Variants in NPSR1 observed in about 807,000 individuals in gnomAD.
The protein encoded by NPSR1 is neuropeptide S receptor 1.
Under a neutral mutation model 46.9 loss-of-function variants are expected in NPSR1, and 48 were observed. The ratio of observed to expected loss-of-function variants is 1.02; its 90% CI spans 0.81 to 1.30. The LOEUF (loss-of-function observed/expected upper bound fraction) is 1.30, where lower values mean the gene tolerates loss of function less well. NPSR1 is among the 50% of genes most tolerant of loss of function. The probability of loss-of-function intolerance (pLI) is 0.00; values close to 1 mark genes in which losing one functional copy is unlikely to be tolerated. For synonymous variants in NPSR1, 176 were observed against 168.1 expected (o/e 1.05, Z -0.36); for missense variants, 450 against 449.5 (o/e 1.00, Z -0.01).
chr7:34,667,084 TAAG>T (rs1275809413), intron 1 of NPSR1, among the ~76,000 whole-genome samples: 3 of 152,162 alleles, frequency 2.0e-5, no homozygotes, highest in East Asian at 1.9e-4. Flanking sequence ...GATGGCTCAA[TAAG>T]AAGATTTTTT....
chr7:34,764,550 A>G (rs1374633404), intron 2 of NPSR1, among the ~76,000 whole-genome samples: 1 of 152,164 alleles, frequency 6.6e-6, no homozygotes, highest in African/African-American at 2.4e-5. Context: ...TGTGCAGGAG[A>G]GTTTAGACCA....
At chr7:34,733,051 CTCA>C (rs1213912855) in intron 2 of NPSR1, among the ~76,000 whole-genome samples, 2 of 152,206 alleles carry the variant, frequency 1.3e-5, no homozygotes, top group Non-Finnish European at 2.9e-5. Context: ...TCAAAAATTG[CTCA>C]TCAACTTAAA....
chr7:34,670,802 T>C (rs1170203891), intron 1 of NPSR1, among the ~76,000 whole-genome samples: 4 of 151,898 alleles, frequency 2.6e-5, no homozygotes, highest in African/African-American at 9.7e-5. Flanking sequence ...AACTCAATAA[T>C]TCACCATAAT....
chr7:34,866,434 C>T (rs1483736377), intron 8 of NPSR1, among the ~76,000 whole-genome samples: 3 of 151,730 alleles, frequency 2.0e-5, no homozygotes, highest in Admixed American at 6.5e-5. Flanking sequence ...AGGCAGAGCG[C>T]ACAGCCTGGA....
At chr7:34,792,703 A>ATATATATTTTTTTTATATATATG (rs1584036048) in intron 3 of NPSR1, among the ~76,000 whole-genome samples, 1 of 88,574 alleles carries the variant, frequency 1.1e-5, no homozygotes, top group East Asian at 3.3e-4. Flanking sequence ...ATATATACGT[A>ATATATATTTTTTTTATATATATG]TATATATATA....
chr7:34,732,079 C>CAAAAAAAAAAAAAAAAAAAAAAAAA (rs535991989), intron 2 of NPSR1, among the ~76,000 whole-genome samples: 1 of 93,912 alleles, frequency 1.1e-5, no homozygotes, highest in Non-Finnish European at 2.1e-5. Context: ...GACTTCATCT[C>CAAAAAAAAAAAAAAAAAAAAAAAAA]AAAAAAAAAA....
intron 2 of NPSR1, among the ~76,000 whole-genome samples, chr7:34,747,452 G>A (rs544966441): frequency 8.1e-4 from 123 of 152,340 alleles, no homozygotes; most frequent in African/African-American, 2.3e-3. Flanking sequence ...TGCAACAAGA[G>A]CCATGCCTTT....
At chr7:34,822,005 C>A (rs918305634) in intron 4 of NPSR1, among the ~76,000 whole-genome samples, 2 of 152,124 alleles carry the variant, frequency 1.3e-5, no homozygotes, top group African/African-American at 4.8e-5. Context: ...AAGAAGCCAT[C>A]CAAATACCAG....
intron 2 of NPSR1, among the ~76,000 whole-genome samples, chr7:34,700,431 C>G (rs1345332150): frequency 1.3e-5 from 2 of 152,154 alleles, no homozygotes; most frequent in Non-Finnish European, 2.9e-5. Context: ...TTCTGTAGAT[C>G]ATCTCATTTA....
At chr7:34,833,322 C>T (rs1562763477) in intron 5 of NPSR1, among the ~76,000 whole-genome samples, 1 of 152,036 alleles carries the variant, frequency 6.6e-6, no homozygotes, top group South Asian at 2.1e-4. Context: ...CAAAGAGTAC[C>T]TAGGATAGAA....
intron 2 of NPSR1, chr7:34,768,265 A>T (rs766533160): frequency 3.3e-5 from 5 of 152,188 alleles, no homozygotes; most frequent in Non-Finnish European, 5.9e-5. Context: ...AGAATTCTAC[A>T]TCTAGCAAAA....
At chr7:34,713,246 C>G (rs556714581) in intron 2 of NPSR1, among the ~76,000 whole-genome samples, 15 of 152,206 alleles carry the variant, frequency 9.9e-5, no homozygotes, top group Non-Finnish European at 1.5e-4. Flanking sequence ...ATTTAGAAAC[C>G]AAGGACATAA....
chr7:34,757,757 T>A (rs1785941354), intron 2 of NPSR1, among the ~76,000 whole-genome samples: 1 of 152,206 alleles, frequency 6.6e-6, no homozygotes, highest in African/African-American at 2.4e-5. Context: ...GCCATGCGAC[T>A]GTTCTGCTAG....
chr7:34,777,683 C>T (rs190351746), intron 2 of NPSR1, among the ~76,000 whole-genome samples: 5 of 152,180 alleles, frequency 3.3e-5, no homozygotes, highest in Admixed American at 6.5e-5. Context: ...TTGCCTGCAG[C>T]ACTCTTTTGA....
intron 8 of NPSR1, among the ~76,000 whole-genome samples, chr7:34,877,106 TG>T (rs1462159176): frequency 6.6e-6 from 1 of 152,162 alleles, no homozygotes; most frequent in African/African-American, 2.4e-5. Flanking sequence ...AACCACAAGA[TG>T]GGGCCACCAA....
rs781737897 is a variant in NPSR1, at chr7:34,878,139, G to T, written c.1089G>T (p.Trp363Cys). Reference sequence around the variant, plus strand: ...TGCTCTGCCCTCAACGAGAGAACTGGAAGGGTACTTGGCCAGGTGTACCTT... The same window carrying T: ...TGCTCTGCCCTCAACGAGAGAACTGTAAGGGTACTTGGCCAGGTGTACCTT... The change falls in exon 9 of 9, where the codon TGG becomes TGT. Residue 363 changes from tryptophan (W) to cysteine (C), a missense_variant. Physicochemically the swap from Trp to Cys is radical, Grantham distance 215. Coordinates refer to the NPSR1 transcript ENST00000359791. 1.4e-5 allele frequency: 23 copies of T among 1,609,938 alleles called. No homozygotes were observed. In the South Asian group the frequency reaches 2.6e-4, roughly 18 times the overall value.
intron 3 of NPSR1, among the ~76,000 whole-genome samples, chr7:34,778,859 T>C (rs374487134): frequency 6.6e-6 from 1 of 152,260 alleles, no homozygotes; most frequent in East Asian, 1.9e-4. Flanking sequence ...TGGCATATTG[T>C]GGATAATCTC....
chr7:34,734,732 T>G (rs1784587893), intron 2 of NPSR1, among the ~76,000 whole-genome samples: 1 of 152,218 alleles, frequency 6.6e-6, no homozygotes, highest in Non-Finnish European at 1.5e-5. Flanking sequence ...GATTGATGAT[T>G]TCTTCAATAC....
At chr7:34,839,385 A>G (rs975774537) in intron 6 of NPSR1, among the ~76,000 whole-genome samples, 8 of 152,344 alleles carry the variant, frequency 5.3e-5, no homozygotes, top group Admixed American at 4.6e-4. Flanking sequence ...AGACATTCCT[A>G]GAGATGCAGA....
Sources: gnomAD v4.1 joint callset for allele counts (sites outside exome capture counted in the v4.1 genomes callset) on GRCh38, gnomAD v4.1.1 for gene constraint, MANE v1.5 for transcripts, NCBI Gene and HGNC (gene_info 2026-07-23, HGNC 2026-07-21) for gene names.